GALNT17: variants seen among roughly 807,000 people sequenced by gnomAD.
The protein encoded by GALNT17 is UDP-GalNAc:polypeptide N-acetylgalactosaminyltransferase-like 3.
Under a neutral mutation model 63.7 loss-of-function variants are expected in GALNT17, and 29 were observed. The observed-to-expected ratio is 0.46, with a 90% CI of 0.34 to 0.62. The LOEUF (loss-of-function observed/expected upper bound fraction) is 0.62, where lower values mean the gene tolerates loss of function less well. Among genes scored for constraint, GALNT17 ranks in the 20% least tolerant of loss-of-function variants. The pLI is 0.01. For synonymous variants in GALNT17, 305 were observed against 318.3 expected, an observed-to-expected ratio of 0.96 and a Z score of 0.45; for missense variants, 603 against 799.6, an observed-to-expected ratio of 0.75 and a Z score of 2.97.
chr7:71,592,219 A>G (rs868672), intron 6 of GALNT17, among the ~76,000 whole-genome samples: 10,784 of 152,202 alleles, frequency 0.071, 532 homozygotes, highest in African/African-American at 0.14. Flanking sequence ...GACCAGAGGA[A>G]AAATGATGGA....
At chr7:71,404,047 G>C (rs1793285519) in intron 3 of GALNT17, among the ~76,000 whole-genome samples, 1 of 152,218 alleles carries the variant, frequency 6.6e-6, no homozygotes, top group Non-Finnish European at 1.5e-5. Context: ...GATGGGGTAA[G>C]GTAGGGGAAT....
chr7:71,256,492 G>T (rs1790291971), intron 1 of GALNT17, among the ~76,000 whole-genome samples: 1 of 152,198 alleles, frequency 6.6e-6, no homozygotes, highest in Non-Finnish European at 1.5e-5. Context: ...AATTGCTTGA[G>T]CCTGGGAGGT....
At chr7:71,601,952 TCTC>T (rs1363364997) in intron 6 of GALNT17, among the ~76,000 whole-genome samples, 2 of 152,148 alleles carry the variant, frequency 1.3e-5, no homozygotes, top group Non-Finnish European at 2.9e-5. Context: ...GGATCTTCCC[TCTC>T]CTCTGGCTGC....
chr7:71,365,196 G>T (rs1408098628), intron 2 of GALNT17, among the ~76,000 whole-genome samples: 1 of 152,124 alleles, frequency 6.6e-6, no homozygotes, highest in African/African-American at 2.4e-5. Flanking sequence ...GCCTCCCAAA[G>T]CACGGGGATT....
chr7:71,454,658 G>C (rs575496367), intron 5 of GALNT17, among the ~76,000 whole-genome samples: 24 of 152,222 alleles, frequency 1.6e-4, no homozygotes, highest in Non-Finnish European at 2.9e-4. Context: ...TAAGCTATAG[G>C]AGGAGTCATA....
chr7:71,331,635 C>T (rs140989224), intron 1 of GALNT17, among the ~76,000 whole-genome samples: 133 of 152,102 alleles, frequency 8.7e-4, no homozygotes, highest in African/African-American at 2.9e-3. Context: ...TGCTTGAGCC[C>T]GGGAGTTCAA....
chr7:71,508,888 C>T (rs938128008), intron 5 of GALNT17, among the ~76,000 whole-genome samples: 1 of 152,102 alleles, frequency 6.6e-6, no homozygotes, highest in African/African-American at 2.4e-5. Context: ...CAGGAAGGTA[C>T]CCTGGACACG....
chr7:71,334,324 A>G (rs1791859895), intron 1 of GALNT17, among the ~76,000 whole-genome samples: 1 of 152,086 alleles, frequency 6.6e-6, no homozygotes, highest in Non-Finnish European at 1.5e-5. Context: ...TCTTCGTGGG[A>G]GATTTGGATC....
chr7:71,327,963 A>G (rs979751385), intron 1 of GALNT17, among the ~76,000 whole-genome samples: 1 of 152,182 alleles, frequency 6.6e-6, no homozygotes, highest in African/African-American at 2.4e-5. Flanking sequence ...AAGTGTCCTT[A>G]TGTTGCCTCC....
intron 5 of GALNT17, among the ~76,000 whole-genome samples, chr7:71,422,799 G>T (rs1353165801): frequency 6.6e-6 from 1 of 152,236 alleles, no homozygotes; most frequent in Non-Finnish European, 1.5e-5. Flanking sequence ...CTGGGTCCTT[G>T]CCCTAGTGTG....
At chr7:71,200,708 T>G (rs1394243891) in intron 1 of GALNT17, among the ~76,000 whole-genome samples, 2 of 152,184 alleles carry the variant, frequency 1.3e-5, no homozygotes, top group African/African-American at 4.8e-5. Flanking sequence ...TTAGTAAATA[T>G]TCTTTCCTGC....
At chr7:71,174,413 G>C (rs1220109978) in intron 1 of GALNT17, among the ~76,000 whole-genome samples, 1 of 152,180 alleles carries the variant, frequency 6.6e-6, no homozygotes, top group Admixed American at 6.5e-5. Flanking sequence ...AGGTGGTTCT[G>C]ACAGCAGAAG....
intron 1 of GALNT17, among the ~76,000 whole-genome samples, chr7:71,330,608 C>T (rs1255743394): frequency 2.0e-5 from 3 of 151,656 alleles, no homozygotes; most frequent in East Asian, 3.9e-4. Context: ...CATTATGATG[C>T]CCAGGCTCCT....
intron 8 of GALNT17, among the ~76,000 whole-genome samples, chr7:71,676,977 G>T (rs1240939631): frequency 6.6e-6 from 1 of 152,134 alleles, no homozygotes; most frequent in African/African-American, 2.4e-5. Context: ...GTGAGGGTGG[G>T]GGGGCAAGCT....
chr7:71,361,913 C>A (rs1399131871), intron 2 of GALNT17, among the ~76,000 whole-genome samples: 1 of 152,026 alleles, frequency 6.6e-6, no homozygotes, highest in African/African-American at 2.4e-5. Flanking sequence ...AGGTGCTGTT[C>A]ATGGCTGGAG....
chr7:71,473,134 G>T (rs960024669), intron 5 of GALNT17, among the ~76,000 whole-genome samples: 2 of 152,200 alleles, frequency 1.3e-5, no homozygotes, highest in African/African-American at 4.8e-5. Flanking sequence ...CTGATTGTCA[G>T]TTGGTTAAAA....
rs555854732 is a variant in GALNT17 at position 71,711,027 on chromosome 7, C to T, written c.1668+99C>T. ...TTCCCCAGGGGTCCCCAGCAAAGAG[C>T]GACCCCGAACCCAGGTCTCCCTGCC... On this transcript the variant is annotated intron_variant, in intron 10 of 10. Coordinates refer to ENST00000333538, the MANE Select transcript of GALNT17 (RefSeq NM_022479.3). 1.6e-4 allele frequency: 229 copies of T among 1,451,146 alleles called. 2 individuals are homozygous for T. The African/African-American group carries it at 2.4e-3, about 15-fold the overall frequency. The allele number at this position is 1,451,146 out of a possible 1,614,324, so 89.9% of individuals were successfully genotyped here.
At chr7:71,419,086 A>G (rs1786609583) in intron 4 of GALNT17, among the ~76,000 whole-genome samples, 1 of 151,642 alleles carries the variant, frequency 6.6e-6, no homozygotes, top group Admixed American at 6.6e-5. Context: ...TCTCAAAAAG[A>G]AAAAAAAAGA....
At chr7:71,361,478 C>T (rs976413681) in intron 2 of GALNT17, among the ~76,000 whole-genome samples, 5 of 152,046 alleles carry the variant, frequency 3.3e-5, no homozygotes, top group Non-Finnish European at 4.4e-5. Context: ...CTTGGAAAGT[C>T]ATCTTCAATT....
Sources: gnomAD v4.1 joint callset for allele counts (sites outside exome capture counted in the v4.1 genomes callset) on GRCh38, gnomAD v4.1.1 for gene constraint, MANE v1.5 for transcripts, NCBI Gene and HGNC (gene_info 2026-07-23, HGNC 2026-07-21) for gene names.